The following DLC1 variants were observed in gnomAD, a reference collection of about 807,000 sequenced individuals.
DLC1 encodes the protein rho GTPase-activating protein 7.
Under a neutral mutation model 140.3 loss-of-function variants are expected in DLC1, and 54 were observed. The ratio of observed to expected loss-of-function variants is 0.38; its 90% CI spans 0.31 to 0.48. The LOEUF (loss-of-function observed/expected upper bound fraction) is 0.48, where lower values mean the gene tolerates loss of function less well. Ranked by LOEUF, DLC1 falls within the 20% of genes least tolerant of loss-of-function variation. The probability of loss-of-function intolerance (pLI) is 0.96; values close to 1 mark genes in which losing one functional copy is unlikely to be tolerated. For missense variants in DLC1, 2,536 were observed against 1,907.0 expected (o/e 1.33, Z -6.14); for synonymous variants, 986 against 728.1 (o/e 1.35, Z -5.70).
intron 5 of DLC1, among the ~76,000 whole-genome samples, chr8:13,295,948 T>TA (rs1040677308): frequency 8.5e-6 from 1 of 117,946 alleles, no homozygotes; most frequent in Non-Finnish European, 1.7e-5. Flanking sequence ...CTTTGTTTTT[T>TA]TTTTTTTTTT....
chr8:13,236,124 T>C (rs1396741826), intron 5 of DLC1, among the ~76,000 whole-genome samples: 1 of 152,066 alleles, frequency 6.6e-6, no homozygotes, highest in Non-Finnish European at 1.5e-5. Context: ...TCATTAAGGA[T>C]TAAAAGAATA....
chr8:13,254,943 T>C (rs1213671955), intron 5 of DLC1, among the ~76,000 whole-genome samples: 1 of 151,858 alleles, frequency 6.6e-6, no homozygotes, highest in Non-Finnish European at 1.5e-5. Flanking sequence ...CTATATGATC[T>C]TGGAAGAGTT....
intron 5 of DLC1, among the ~76,000 whole-genome samples, chr8:13,167,837 GTTATT>G (rs1825207541): frequency 6.6e-6 from 1 of 152,126 alleles, no homozygotes; most frequent in Non-Finnish European, 1.5e-5. Context: ...ACTCACATTT[GTTATT>G]TTATTAAACC....
chr8:13,184,312 T>A (rs932832270), intron 5 of DLC1, among the ~76,000 whole-genome samples: 30 of 151,308 alleles, frequency 2.0e-4, no homozygotes, highest in African/African-American at 7.3e-4. Context: ...TGTCTCTATC[T>A]CCTTTAGTTA....
intron 5 of DLC1, among the ~76,000 whole-genome samples, chr8:13,188,799 G>GTATATATA (rs1328743019): frequency 5.0e-5 from 4 of 79,552 alleles, no homozygotes; most frequent in African/African-American, 1.1e-4. Flanking sequence ...GTGTGTGTGT[G>GTATATATA]TGTATATATA....
At chr8:13,422,963 G>T (rs557358216) in intron 2 of DLC1, among the ~76,000 whole-genome samples, 1 of 152,102 alleles carries the variant, frequency 6.6e-6, no homozygotes, top group African/African-American at 2.4e-5. Context: ...CCATGGAAGC[G>T]CATGGTGTGA....
intron 4 of DLC1, chr8:13,341,635 G>A (rs1264531647): frequency 6.6e-6 from 1 of 152,162 alleles, no homozygotes; most frequent in Non-Finnish European, 1.5e-5. Context: ...ATGTTGTAAG[G>A]ACACGTCGCA....
intron 5 of DLC1, among the ~76,000 whole-genome samples, chr8:13,136,687 A>T (rs190260416): frequency 6.6e-6 from 1 of 152,130 alleles, no homozygotes; most frequent in Admixed American, 6.5e-5. Flanking sequence ...GGTGCGTGCC[A>T]CCACATCTGG....
At chr8:13,318,004 A>C (rs996674782) in intron 4 of DLC1, among the ~76,000 whole-genome samples, 11 of 152,084 alleles carry the variant, frequency 7.2e-5, no homozygotes, top group African/African-American at 2.7e-4. Flanking sequence ...TTATTAACTT[A>C]TTAATAACCT....
At chr8:13,470,949 G>A (rs72603977) in intron 2 of DLC1, among the ~76,000 whole-genome samples, 11,763 of 152,150 alleles carry the variant, frequency 0.077, 613 homozygotes, top group East Asian at 0.15. Context: ...GCATACAATG[G>A]AATATTATTT....
chr8:13,162,804 G>A (rs1049817383), intron 5 of DLC1, among the ~76,000 whole-genome samples: 1 of 152,078 alleles, frequency 6.6e-6, no homozygotes, highest in African/African-American at 2.4e-5. Flanking sequence ...AAAAAAGCCC[G>A]GTGTGGTGTC....
intron 4 of DLC1, among the ~76,000 whole-genome samples, chr8:13,380,431 A>G (rs1836198958): frequency 6.6e-6 from 1 of 152,214 alleles, no homozygotes; most frequent in Admixed American, 6.5e-5. Context: ...AAGAAAACCC[A>G]TTGTTTAATA....
At chr8:13,548,640 C>G (rs1267509868) in intron 1 of DLC1, among the ~76,000 whole-genome samples, 2 of 152,020 alleles carry the variant, frequency 1.3e-5, no homozygotes, top group Admixed American at 6.6e-5. Context: ...CCCTGATCAG[C>G]TCTCATATGG....
At chr8:13,554,499 A>C (rs1396949149) in intron 1 of DLC1, among the ~76,000 whole-genome samples, 1 of 151,892 alleles carries the variant, frequency 6.6e-6, no homozygotes, top group Non-Finnish European at 1.5e-5. Context: ...AAATTTCCAA[A>C]AGCTACACTT....
At chr8:13,595,473 A>C (rs995172382) in intron 1 of DLC1, among the ~76,000 whole-genome samples, 2 of 151,904 alleles carry the variant, frequency 1.3e-5, no homozygotes, top group Admixed American at 6.6e-5. Flanking sequence ...GAAATTTGAC[A>C]ATGTGCCCCA....
At position 13,198,046 on chromosome 8, in the gene DLC1, A is replaced by C. The variant is rs557439102; in HGVS notation, c.1349-82389T>G. Among the ~76,000 whole-genome samples, 6 of 152,196 alleles carry C rather than the reference A, an allele frequency of 3.9e-5. No individual in the cohort carries two copies. The South Asian group carries it at 8.3e-4, about 21-fold the overall frequency. On this transcript the variant is annotated intron_variant, in intron 5 of 17. Transcript: ENST00000276297. ...CTGATAGGTTGAGCCTAGGAGCTCA[A>C]AGTTGCTCAGTCCCGGCAACAGAAT...
chr8:13,555,042 C>T (rs990796211), intron 1 of DLC1, among the ~76,000 whole-genome samples: 2 of 152,210 alleles, frequency 1.3e-5, no homozygotes, highest in Non-Finnish European at 2.9e-5. Flanking sequence ...GTAACACTTG[C>T]TCTTCTCATT....
intron 5 of DLC1, among the ~76,000 whole-genome samples, chr8:13,199,834 C>G (rs1309180800): frequency 6.6e-6 from 1 of 152,080 alleles, no homozygotes; most frequent in Non-Finnish European, 1.5e-5. Flanking sequence ...CACAGCATGG[C>G]TTTTCATAAG....
chr8:13,252,562 G>T (rs368980422), intron 5 of DLC1, among the ~76,000 whole-genome samples: 6 of 152,300 alleles, frequency 3.9e-5, no homozygotes, highest in African/African-American at 1.4e-4. Context: ...CTTGCTCAGA[G>T]CAGATGTATA....
Sources: gnomAD v4.1 joint callset for allele counts (sites outside exome capture counted in the v4.1 genomes callset) on GRCh38, gnomAD v4.1.1 for gene constraint, MANE v1.5 for transcripts, NCBI Gene and HGNC (gene_info 2026-07-23, HGNC 2026-07-21) for gene names.